EMC8: variants seen among roughly 807,000 people sequenced by gnomAD.
EMC8 encodes ER membrane protein complex subunit 8.
A neutral mutation model predicts 24.3 loss-of-function variants in EMC8; 11 were observed. That is an observed-to-expected ratio of 0.45 (90% confidence interval 0.28 to 0.75). The LOEUF (loss-of-function observed/expected upper bound fraction) is 0.75. EMC8 is among the 30% of genes least tolerant of loss of function. The pLI, the probability that EMC8 is intolerant of heterozygous loss-of-function variation, is 0.12. For synonymous variants in EMC8, 145 were observed against 117.7 expected (o/e 1.23, Z -1.50); for missense variants, 277 against 282.7 (o/e 0.98, Z 0.14).
At chr16:85,779,918 T>A in intron 4 of EMC8, 51 bp from the exon 5 acceptor site, 2 of 1,561,324 alleles carry the variant, frequency 1.3e-6, no homozygotes, top group Non-Finnish European at 1.8e-6. Context: ...AACGGGCGGC[T>A]TGTAACAGCA....
At chr16:85,789,132 A>C in intron 1 of EMC8, 82 bp from the exon 2 acceptor site, 1 of 866,532 alleles carries the variant, frequency 1.2e-6, no homozygotes, top group East Asian at 2.4e-5. Context: ...TCTCACTGCC[A>C]CATGCTGGGA....
chr16:85,792,729 G>A (rs1270264589), intron 1 of EMC8: 1 of 152,234 alleles, frequency 6.6e-6, no homozygotes, highest in African/African-American at 2.4e-5. Flanking sequence ...TGCATGAAAA[G>A]CTGCGGTGGA....
rs371402997 is a variant in EMC8 at position 85,799,411 on chromosome 16, C to A, written c.-116G>T. ...GACGAGGCGGCGGCGATTGATGGCG[C>A]GGCCGCGGGCTGGCGGGGGACCCTT... is the stretch of plus-strand genomic sequence containing the variant. On this transcript the variant is annotated 5_prime_UTR_variant, in exon 1 of 5. Transcript: ENST00000253457. The surrounding 1 kb of genome is among the most constrained non-coding windows in gnomAD (Gnocchi z 4.2). 171 of 579,802 alleles carry A rather than the reference C, an allele frequency of 2.9e-4. 2 individuals carry two copies. The East Asian group carries it at 5.7e-3, about 19-fold the overall frequency. 35.9% of individuals were successfully genotyped at this position (579,802 alleles called of 1,614,324 possible). A position where few individuals can be genotyped will look rare whatever the true frequency, so the allele number is the denominator to read the frequency against.
At chr16:85,797,468 T>C (rs1905283567) in intron 1 of EMC8, among the ~76,000 whole-genome samples, 1 of 152,202 alleles carries the variant, frequency 6.6e-6, no homozygotes, top group South Asian at 2.1e-4. Context: ...CACTCCCCAG[T>C]GGTGTTTCAG....
chr16:85,787,916 C>T (rs1307616926), intron 2 of EMC8, among the ~76,000 whole-genome samples: 3 of 152,194 alleles, frequency 2.0e-5, no homozygotes, highest in Non-Finnish European at 4.4e-5. Flanking sequence ...GATAGCAATG[C>T]TGTCACCAGC....
At position 85,780,442 on chromosome 16, in the gene EMC8, A is replaced by G; in HGVS notation, c.410T>C (p.Val137Ala). ...CTCGTACACGTGGATCGTAGGCGCT[A>G]CGCAGTCCATCGTAAACTTGGTGTT... ...VDNTKFTMDC[V>A]APTIHVYEHH... is the part of the protein sequence containing the mutation. The change falls in exon 4 of 5, where the codon GTA becomes GCA. Residue 137 changes from valine (V) to alanine (A), a missense_variant. Coordinates refer to ENST00000253457, the MANE Select transcript of EMC8 (RefSeq NM_006067.5). The G allele has an allele frequency of 6.2e-7, 1 of 1,614,186 alleles. No individual in the cohort carries two copies. Among genetic ancestry groups the G allele is most frequent in the African/African-American group, 1.3e-5 (1 of 75,076 alleles).
rs539380713 is a variant in EMC8, at chr16:85,791,334, G to T, written c.232-2284C>A. ...TTTTTAATTTTTATTTAAGTTCTGG[G>T]ATACATGTGCAGAATATGCAGGTTT... On this transcript the variant is annotated intron_variant, in intron 1 of 4. Coordinates refer to ENST00000253457, the MANE Select transcript of EMC8 (RefSeq NM_006067.5). 4.2e-3 allele frequency among the ~76,000 whole-genome samples: 636 copies of T among 152,114 alleles called. 3 individuals are homozygous for T. Among genetic ancestry groups the T allele is most frequent in the African/African-American group, 0.015 (617 of 41,472 alleles).
intron 2 of EMC8, among the ~76,000 whole-genome samples, chr16:85,787,862 T>C (rs1904824028): frequency 6.6e-6 from 1 of 152,240 alleles, no homozygotes; most frequent in Admixed American, 6.5e-5. Flanking sequence ...GGGTTTCTTT[T>C]AGGATACCAT....
chr16:85,790,530 C>T (rs747315690), intron 1 of EMC8, among the ~76,000 whole-genome samples: 1 of 152,296 alleles, frequency 6.6e-6, no homozygotes, highest in Non-Finnish European at 1.5e-5. Flanking sequence ...GGAACAGATT[C>T]CAGAAGCTTT....
At position 85,799,037 on chromosome 16, in the gene EMC8, A is replaced by G. The variant is rs1253177000; in HGVS notation, c.231+28T>C. 1 of 1,454,026 alleles carries G rather than the reference A, an allele frequency of 6.9e-7. No homozygotes were observed. The highest frequency in any genetic ancestry group is 9.4e-7 in the Non-Finnish European group (1 of 1,067,230). 90.1% of individuals were successfully genotyped at this position (1,454,026 alleles called of 1,614,324 possible). A position where few individuals can be genotyped will look rare whatever the true frequency, so the allele number is the denominator to read the frequency against. On this transcript the variant is annotated intron_variant, in intron 1 of 4. Coordinates refer to ENST00000253457, the MANE Select transcript of EMC8 (RefSeq NM_006067.5). The surrounding 1 kb of genome is among the most constrained non-coding windows in gnomAD (Gnocchi z 4.2). ...ACTGAGGGGAGGCCAGGCTGCCTGCAAGGGGAAGGGGCCCTTTCCGCGCTT... is the reference window on the plus strand; with the variant it reads ...ACTGAGGGGAGGCCAGGCTGCCTGCGAGGGGAAGGGGCCCTTTCCGCGCTT...
intron 2 of EMC8, among the ~76,000 whole-genome samples, chr16:85,786,389 T>C (rs721945): frequency 0.023 from 3,453 of 152,364 alleles, 136 homozygotes; most frequent in African/African-American, 0.078. Context: ...GAAGTTGGCA[T>C]GATCCTAGCT....
intron 1 of EMC8, among the ~76,000 whole-genome samples, chr16:85,792,168 C>G (rs907879208): frequency 1.3e-5 from 2 of 152,132 alleles, no homozygotes; most frequent in African/African-American, 4.8e-5. Context: ...AGCACAGAAA[C>G]CACCTGGTAC....
rs1277521946 is a variant in EMC8, at chr16:85,779,349, T to TAA, written c.*357_*358dup. The TAA allele has an allele frequency of 0.013, 1,685 of 132,508 alleles. 27 individuals are homozygous for TAA. Among genetic ancestry groups the TAA allele is most frequent in the African/African-American group, 0.043 (1,530 of 35,514 alleles). 8.2% of individuals were successfully genotyped at this position (132,508 alleles called of 1,614,324 possible). A position where few individuals can be genotyped will look rare whatever the true frequency, so the allele number is the denominator to read the frequency against. ...AGATGTGGGCTTTTTTTTTTTTTTT[T>TAA]AAAAAAAGATAGTTCAAAAGCCTTA... On this transcript the variant is annotated 3_prime_UTR_variant, in exon 5 of 5. Transcript: ENST00000253457.
rs1318048233 is a variant in EMC8 at position 85,780,388 on chromosome 16, T to A, written c.464A>T (p.Asp155Val). The A allele has an allele frequency of 1.2e-6, 2 of 1,613,664 alleles. No individual in the cohort carries two copies. The highest frequency in any genetic ancestry group is 1.3e-5 in the African/African-American group (1 of 74,922). ...EHHENRWRCR[D>V]PHHDYCEDWP... ...CATGGGGCGCACTCACTGGTGTGGG[T>A]CTCTGCACCGCCATCTGTTCTCATG... The change falls in exon 4 of 5, where the codon GAC (aspartate) becomes GTC (valine). Residue 155 changes from aspartate (D) to valine (V), a missense_variant. By Grantham distance (152) the Asp-to-Val change is radical (BLOSUM62 -3). Transcript: ENST00000253457.
chr16:85,796,118 C>G (rs929944449), intron 1 of EMC8, among the ~76,000 whole-genome samples: 1 of 152,166 alleles, frequency 6.6e-6, no homozygotes, highest in African/African-American at 2.4e-5. Flanking sequence ...CATCTCTGGT[C>G]TCTGTACTCA....
chr16:85,799,042 G>A lies in EMC8; in HGVS notation c.231+23C>T. The A allele has an allele frequency of 6.8e-7, 1 of 1,480,130 alleles. No individual in the cohort carries two copies. Among genetic ancestry groups the A allele is most frequent in the Non-Finnish European group, 9.2e-7 (1 of 1,088,582 alleles). The allele number at this position is 1,480,130 out of a possible 1,614,324, so 91.7% of individuals were successfully genotyped here. ...GGGGAGGCCAGGCTGCCTGCAAGGG[G>A]AAGGGGCCCTTTCCGCGCTTACCAG... On this transcript the variant is annotated intron_variant, in intron 1 of 4. Transcript: ENST00000253457. The surrounding 1 kb of genome is among the most constrained non-coding windows in gnomAD (Gnocchi z 4.2).
chr16:85,795,486 C>A (rs1261735937), intron 1 of EMC8, among the ~76,000 whole-genome samples: 1 of 152,214 alleles, frequency 6.6e-6, no homozygotes, highest in Non-Finnish European at 1.5e-5. Flanking sequence ...TAGGACCCCA[C>A]CTTCTCCTGC....
Position 85,799,316 on chromosome 16 carries a change from G to C in EMC8, c.-21C>G. The C allele has an allele frequency of 6.4e-7, 1 of 1,551,384 alleles. No individual in the cohort carries two copies. Among genetic ancestry groups the C allele is most frequent in the East Asian group, 2.3e-5 (1 of 42,622 alleles). ...GGCATGCTGACCCGGGAGGGCCCCG[G>C]AGGCCCCTGGGCGCGCGGCTGAGGC... On this transcript the variant is annotated 5_prime_UTR_variant, in exon 1 of 5. Transcript: ENST00000253457. The surrounding 1 kb of genome is among the most constrained non-coding windows in gnomAD (Gnocchi z 4.2).
intron 1 of EMC8, 110 bp downstream of exon 1, chr16:85,798,955 G>C (rs1309204564): frequency 4.2e-6 from 3 of 719,554 alleles, no homozygotes; most frequent in African/African-American, 3.6e-5. Context: ...CAACCCTAGG[G>C]AGCGGGTCCT....
Sources: gnomAD v4.1 joint callset for allele counts (sites outside exome capture counted in the v4.1 genomes callset) on GRCh38, gnomAD v4.1.1 for gene constraint, Gnocchi (gnomAD v3.1) non-coding constraint, MANE v1.5 for transcripts, NCBI Gene and HGNC (gene_info 2026-07-23, HGNC 2026-07-21) for gene names.